Variants in MROH1 observed in about 807,000 individuals in gnomAD.
MROH1 encodes maestro heat like repeat family member 1.
A neutral mutation model predicts 116.5 loss-of-function variants in MROH1; 117 were observed. That is an observed-to-expected ratio of 1.00 (90% CI 0.86 to 1.17). The LOEUF (loss-of-function observed/expected upper bound fraction) is 1.17. Among genes scored for constraint, MROH1 ranks in the 50% most tolerant of loss-of-function variants. MROH1 has a pLI of 0.00. For synonymous variants in MROH1, 921 were observed against 583.9 expected, an observed-to-expected ratio of 1.58 and a Z score of -8.32; for missense variants, 1,873 against 1,338.5, an observed-to-expected ratio of 1.40 and a Z score of -6.23.
At chr8:144,212,841 C>G (rs142817041) in intron 12 of MROH1, among the ~76,000 whole-genome samples, 2 of 151,782 alleles carry the variant, frequency 1.3e-5, no homozygotes, top group Admixed American at 1.3e-4. Context: ...TCCACCTGCC[C>G]CGGCCTCCCA....
In MROH1 at chr8:144,180,569, G is replaced by A. The variant is rs755558596; in HGVS notation, c.562+46G>A. The A allele has an allele frequency of 9.6e-6, 15 of 1,567,596 alleles. No individual in the cohort carries two copies. In the African/African-American group the frequency reaches 1.9e-4, roughly 20 times the overall value. On this transcript the variant is annotated intron_variant, in intron 7 of 43. Coordinates refer to ENST00000326134, the MANE Select transcript of MROH1 (RefSeq NM_032450.3). The surrounding 1 kb of genome is among the most constrained non-coding windows in gnomAD (Gnocchi z 7.4). ...CTTCTGTCTCAAGTGCCCCTTTGTG[G>A]GGGGCTGTTCCCGGGCATGCCTGTT... is the stretch of plus-strand genomic sequence containing the variant.
chr8:144,257,262 C>T (rs1410962525), intron 35 of MROH1, among the ~76,000 whole-genome samples: 1 of 152,306 alleles, frequency 6.6e-6, no homozygotes, highest in East Asian at 1.9e-4. Flanking sequence ...CTCGTACGTC[C>T]GACCTTGGGG....
Position 144,180,573 on chromosome 8 carries a change from G to C in MROH1, c.562+50G>C, listed in dbSNP as rs1462955571. 23 of 1,558,798 alleles carry C rather than the reference G, an allele frequency of 1.5e-5. No individual in the cohort carries two copies. The highest frequency in any genetic ancestry group is 2.0e-5 in the Non-Finnish European group (23 of 1,142,940). The stretch of plus-strand genomic sequence containing the variant: ...TGTCTCAAGTGCCCCTTTGTGGGGG[G>C]CTGTTCCCGGGCATGCCTGTTTTAG... On this transcript the variant is annotated intron_variant, in intron 7 of 43. Coordinates refer to ENST00000326134, the MANE Select transcript of MROH1 (RefSeq NM_032450.3). The surrounding 1 kb of genome is among the most constrained non-coding windows in gnomAD (Gnocchi z 7.4).
intron 12 of MROH1, among the ~76,000 whole-genome samples, chr8:144,218,711 T>TCTCCCCTCCC (rs1835903503): frequency 2.5e-4 from 1 of 4,028 alleles, no homozygotes; most frequent in African/African-American, 4.7e-4. Context: ...TCTCCCCTCC[T>TCTCCCCTCCC]GTCCCCCCTC....
At chr8:144,207,451 G>A (rs1401577080) in intron 12 of MROH1, among the ~76,000 whole-genome samples, 1 of 3,516 alleles carries the variant, frequency 2.8e-4, no homozygotes, top group Non-Finnish European at 0.01. Context: ...CTCCCAAAGT[G>A]CTGGGATTTA....
At chr8:144,235,504 C>T (rs1839901744) in intron 14 of MROH1, among the ~76,000 whole-genome samples, 1 of 152,150 alleles carries the variant, frequency 6.6e-6, no homozygotes, top group South Asian at 2.1e-4. Flanking sequence ...TTCATCAGGT[C>T]ACAGGTACCA....
chr8:144,253,568 C>T (rs1192984345), intron 33 of MROH1, among the ~76,000 whole-genome samples: 2 of 152,160 alleles, frequency 1.3e-5, no homozygotes, highest in Admixed American at 6.5e-5. Flanking sequence ...TCCTTGCTGG[C>T]GCGTGCTGTG....
chr8:144,234,891 C>CTTTTTTTTTTTTT lies in MROH1; in HGVS notation c.1339-3858_1339-3846dup, dbSNP rs781998549. ...AGAAAAACAATTATCCTTTTTCTTT[C>CTTTTTTTTTTTTT]TTTTTTTTTTTTTTTTTTTGAGACA... On this transcript the variant is annotated intron_variant, in intron 14 of 43. Coordinates refer to ENST00000326134, the MANE Select transcript of MROH1 (RefSeq NM_032450.3). Among the ~76,000 whole-genome samples, 10 of 103,552 alleles carry CTTTTTTTTTTTTT rather than the reference C, an allele frequency of 9.7e-5. 1 individual carries two copies. The highest frequency in any genetic ancestry group is 1.2e-4 in the Admixed American group (1 of 8,600). 67.9% of individuals were successfully genotyped at this position (103,552 alleles called of 152,430 possible).
chr8:144,245,333 T>G, intron 29 of MROH1, 73 bp downstream of exon 29: 2 of 756,206 alleles, frequency 2.6e-6, no homozygotes, highest in Admixed American at 3.5e-5. Flanking sequence ...GCTGCCTTCC[T>G]GGCTTCCTCT....
At chr8:144,242,217 G>A (rs995924766) in intron 22 of MROH1, 152 bp from the exon 23 acceptor site, 4 of 742,572 alleles carry the variant, frequency 5.4e-6, no homozygotes, top group South Asian at 4.3e-5. Flanking sequence ...CCAGATTCAG[G>A]TGGTGCCGTG....
chr8:144,192,039 C>T (rs1042230663), intron 9 of MROH1, among the ~76,000 whole-genome samples, 184 bp downstream of exon 9: 2 of 152,190 alleles, frequency 1.3e-5, no homozygotes, highest in Non-Finnish European at 2.9e-5. Flanking sequence ...GTTTTCCCAT[C>T]GCTCTGCCCT....
chr8:144,192,459 T>C (rs1218096494), intron 10 of MROH1, 58 bp downstream of exon 10: 1 of 1,470,934 alleles, frequency 6.8e-7, no homozygotes, highest in Non-Finnish European at 9.2e-7. Context: ...CGTGGGAAGT[T>C]GCTGGACAAG....
At chr8:144,223,077 C>G (rs1837131191) in intron 13 of MROH1, 31 bp from the exon 14 acceptor site, 3 of 1,612,608 alleles carry the variant, frequency 1.9e-6, no homozygotes, top group African/African-American at 1.3e-5. Flanking sequence ...TCTGCGTCCC[C>G]TTCCTGATCT....
chr8:144,239,423 C>G, intron 17 of MROH1, 60 bp downstream of exon 17: 1 of 780,170 alleles, frequency 1.3e-6, no homozygotes, highest in Non-Finnish European at 2.4e-6. Context: ...GTGCTCCACC[C>G]AGGCTTGGAA....
chr8:144,218,240 G>A (rs1308176335), intron 12 of MROH1, among the ~76,000 whole-genome samples: 1 of 152,140 alleles, frequency 6.6e-6, no homozygotes, highest in Non-Finnish European at 1.5e-5. Context: ...TACCCGAGAT[G>A]GACTTGCTGG....
intron 3 of MROH1, among the ~76,000 whole-genome samples, chr8:144,167,552 TGGGTGGAGTGACTGGTTGTTG>T (rs1403442885): frequency 2.1e-5 from 3 of 140,520 alleles, no homozygotes; most frequent in South Asian, 2.3e-4. Context: ...GGCCAGTTGT[TGGGTGGAGTGACTGGTTGTTG>T]GGGTGGAGTG....
intron 14 of MROH1, among the ~76,000 whole-genome samples, chr8:144,237,860 C>A (rs1029233522): frequency 9.9e-5 from 15 of 152,200 alleles, no homozygotes; most frequent in East Asian, 1.9e-4. Flanking sequence ...TCCTAACGTT[C>A]GTGTTTCTGG....
chr8:144,157,677 C>CTTTTTTTTTTTTTTTTTTT (rs1164415639), intron 1 of MROH1, among the ~76,000 whole-genome samples: 6 of 117,936 alleles, frequency 5.1e-5, no homozygotes, highest in Non-Finnish European at 1.0e-4. Context: ...TTCTTTCTTT[C>CTTTTTTTTTTTTTTTTTTT]TTTTTTTTTT....
rs1825709898 is a variant in MROH1, at chr8:144,181,474, G to A, written c.562+951G>A. ...CTGGTGACTTTGGGTTCAGATCACAGGGCTCCTGCCACCCTCTCCTCAGCC... is the reference window on the plus strand; with the variant it reads ...CTGGTGACTTTGGGTTCAGATCACAAGGCTCCTGCCACCCTCTCCTCAGCC... On this transcript the variant is annotated intron_variant, in intron 7 of 43. Transcript: ENST00000326134. Among the ~76,000 whole-genome samples the A allele has an allele frequency of 2.0e-5, 3 of 152,176 alleles. 1 individual carries two copies. In the South Asian group the frequency reaches 6.2e-4, roughly 32 times the overall value.
Sources: gnomAD v4.1 joint callset for allele counts (sites outside exome capture counted in the v4.1 genomes callset) on GRCh38, gnomAD v4.1.1 for gene constraint, Gnocchi (gnomAD v3.1) non-coding constraint, MANE v1.5 for transcripts, NCBI Gene and HGNC (gene_info 2026-07-23, HGNC 2026-07-21) for gene names.